PARP11: variants seen among roughly 807,000 people sequenced by gnomAD.
The protein encoded by PARP11 is protein mono-ADP-ribosyltransferase PARP11.
In PARP11, 31 loss-of-function variants were observed where a neutral mutation model predicts 42.9. The observed-to-expected ratio is 0.72, with a 90% CI of 0.54 to 0.98. The LOEUF (loss-of-function observed/expected upper bound fraction) is 0.98. PARP11 is among the 50% of genes least tolerant of loss of function. The pLI is 0.00. For synonymous variants in PARP11, 137 were observed against 127.3 expected, an observed-to-expected ratio of 1.08 and a Z score of -0.51; for missense variants, 365 against 413.1, an observed-to-expected ratio of 0.88 and a Z score of 1.01.
At chr12:3,815,203 C>T (rs1381226847) in intron 6 of PARP11, 15 of 403,548 alleles carry the variant, frequency 3.7e-5, no homozygotes, top group South Asian at 7.5e-5. Context: ...TCCCCTCCCC[C>T]GGCTTCTGAT....
At chr12:3,836,359 A>G (rs1228615166) in intron 1 of PARP11, among the ~76,000 whole-genome samples, 2 of 152,102 alleles carry the variant, frequency 1.3e-5, no homozygotes, top group Non-Finnish European at 2.9e-5. Context: ...CCTATCAACC[A>G]AGAATCTTAT....
At chr12:3,860,179 T>A (rs147958494) in intron 1 of PARP11, among the ~76,000 whole-genome samples, 9 of 152,248 alleles carry the variant, frequency 5.9e-5, no homozygotes, top group East Asian at 5.8e-4. Flanking sequence ...ATAAGATTAG[T>A]ATGGATGTGG....
At chr12:3,856,878 C>T (rs1948200386) in intron 1 of PARP11, among the ~76,000 whole-genome samples, 1 of 152,124 alleles carries the variant, frequency 6.6e-6, no homozygotes, top group Non-Finnish European at 1.5e-5. Flanking sequence ...GGAACCAACC[C>T]AAATGTCCAT....
chr12:3,823,859 T>C (rs564787726), intron 4 of PARP11, among the ~76,000 whole-genome samples: 34 of 149,136 alleles, frequency 2.3e-4, no homozygotes, highest in Admixed American at 2.1e-3. Flanking sequence ...GAGGCTGCAG[T>C]GAGCCAAGAT....
chr12:3,826,319 A>C (rs1054481247), intron 3 of PARP11, 86 bp from the exon 4 acceptor site: 1 of 914,672 alleles, frequency 1.1e-6, no homozygotes, highest in Non-Finnish European at 1.6e-6. Context: ...ACGCTACGCG[A>C]TGATCAGGAA....
intron 1 of PARP11, chr12:3,841,295 A>C: frequency 7.8e-7 from 1 of 1,281,382 alleles, no homozygotes; most frequent in Non-Finnish European, 1.1e-6. Flanking sequence ...CTTGGTGTGA[A>C]GGCATACAGT....
chr12:3,850,644 G>A (rs1287782798), intron 1 of PARP11, among the ~76,000 whole-genome samples: 2 of 152,096 alleles, frequency 1.3e-5, no homozygotes, highest in Non-Finnish European at 2.9e-5. Flanking sequence ...GCATTACTGT[G>A]TTTTTTTCTT....
At chr12:3,848,932 T>C (rs1365950757) in intron 1 of PARP11, among the ~76,000 whole-genome samples, 1 of 147,310 alleles carries the variant, frequency 6.8e-6, no homozygotes, top group Non-Finnish European at 1.5e-5. Context: ...TAATAATATA[T>C]AAGGAGCTCA....
chr12:3,853,156 A>G (rs1260599478), intron 1 of PARP11, among the ~76,000 whole-genome samples: 2 of 152,150 alleles, frequency 1.3e-5, no homozygotes, highest in African/African-American at 4.8e-5. Context: ...GAAAGGAACA[A>G]CCCGTACCAG....
rs564910816 is a variant in PARP11 at position 3,841,479 on chromosome 12, T to G, written c.19-11461A>C. 7.5e-6 allele frequency: 11 copies of G among 1,472,008 alleles called. No homozygotes were observed. The African/African-American group carries it at 1.5e-4, about 20-fold the overall frequency. 91.2% of individuals were successfully genotyped at this position (1,472,008 alleles called of 1,614,324 possible). On this transcript the variant is annotated intron_variant, in intron 1 of 7. Transcript: ENST00000228820. Reference sequence around the variant, plus strand: ...GTACCTGTACTGATGCCCACTTTCCTATGCAGACTGAGGCTAGTGTTAATG... The same window carrying G: ...GTACCTGTACTGATGCCCACTTTCCGATGCAGACTGAGGCTAGTGTTAATG...
chr12:3,862,282 A>C (rs1948306744), intron 1 of PARP11, among the ~76,000 whole-genome samples: 1 of 151,944 alleles, frequency 6.6e-6, no homozygotes, highest in Admixed American at 6.6e-5. Context: ...GCAAAACCCC[A>C]TCTCTACAAA....
intron 1 of PARP11, chr12:3,832,179 T>C: frequency 2.2e-6 from 2 of 927,912 alleles, no homozygotes; most frequent in Non-Finnish European, 2.6e-6. Flanking sequence ...CAGAGCTTTC[T>C]GTTATAAATC....
chr12:3,839,350 G>T (rs1947840164), intron 1 of PARP11: 22 of 1,536,230 alleles, frequency 1.4e-5, no homozygotes, highest in Non-Finnish European at 1.9e-5. Flanking sequence ...GGGCGGCGCG[G>T]GGCCCCGCGA....
chr12:3,835,845 G>A (rs2138059314), intron 1 of PARP11, among the ~76,000 whole-genome samples: 1 of 152,078 alleles, frequency 6.6e-6, no homozygotes, highest in Admixed American at 6.5e-5. Context: ...CAGATGAAAT[G>A]CAAGAAAGGA....
In PARP11 at chr12:3,850,091, A is replaced by C. The variant is rs376679674; in HGVS notation, c.19-20073T>G. ...GGTGGGAACAAAGCTATATTGGAGA[A>C]GGAAATAACACCATATGGTAACTCA... On this transcript the variant is annotated intron_variant, in intron 1 of 7. Coordinates refer to ENST00000228820, the MANE Select transcript of PARP11 (RefSeq NM_020367.6). 2.0e-5 allele frequency among the ~76,000 whole-genome samples: 3 copies of C among 152,232 alleles called. No individual in the cohort carries two copies. The East Asian group carries it at 5.8e-4, about 29-fold the overall frequency.
chr12:3,828,924 T>C lies in PARP11; in HGVS notation c.254A>G (p.Lys85Arg). The C allele has an allele frequency of 6.2e-7, 1 of 1,614,036 alleles. No homozygotes were observed. Among genetic ancestry groups the C allele is most frequent in the Non-Finnish European group, 8.5e-7 (1 of 1,179,936 alleles). ...AAAAAACATACCTGCAAAGTCTATC[T>C]TGTAGCTGAATTTGGAAGTAGTAAA... ...ISFTTSKFSY[K>R]IDFAEMKQMN... Residue 85 changes from lysine to arginine, a missense_variant, in exon 3 of 8, where the codon AAG becomes AGG. Lys to Arg is a conservative substitution (Grantham distance 26, BLOSUM62 2). Coordinates refer to ENST00000228820, the MANE Select transcript of PARP11 (RefSeq NM_020367.6).
At position 3,828,909 on chromosome 12, in the gene PARP11, C is replaced by T. The variant is rs1947582315; in HGVS notation, c.268+1G>A. The T allele has an allele frequency of 6.2e-7, 1 of 1,613,256 alleles. No homozygotes were observed. Among genetic ancestry groups the T allele is most frequent in the Admixed American group, 1.7e-5 (1 of 60,002 alleles). On this transcript the variant is annotated splice_donor_variant, in intron 3 of 7. Transcript: ENST00000228820. LOFTEE classifies it high-confidence loss of function. ...CACAACTATTAGGGAAAAAAACATA[C>T]CTGCAAAGTCTATCTTGTAGCTGAA...
At chr12:3,829,711 A>G (rs962968578) in intron 2 of PARP11, among the ~76,000 whole-genome samples, 179 bp downstream of exon 2, 1 of 152,252 alleles carries the variant, frequency 6.6e-6, no homozygotes, top group Admixed American at 6.5e-5. Flanking sequence ...GAGTGTGAAA[A>G]CTTGGGGAAA....
intron 1 of PARP11, among the ~76,000 whole-genome samples, chr12:3,852,683 A>G (rs1199937842): frequency 1.3e-5 from 2 of 152,242 alleles, no homozygotes; most frequent in African/African-American, 4.8e-5. Flanking sequence ...TGACGGGGCG[A>G]ATGGAACCAA....
Sources: allele counts gnomAD v4.1 joint callset (sites outside exome capture counted in the v4.1 genomes callset), GRCh38; gene constraint gnomAD v4.1.1; transcripts MANE v1.5; gene names NCBI Gene and HGNC (gene_info 2026-07-23, HGNC 2026-07-21).